The following NISCH variants were observed in gnomAD, a reference collection of about 807,000 sequenced individuals.
NISCH encodes the protein nischarin.
Under a neutral mutation model 138.4 loss-of-function variants are expected in NISCH, and 55 were observed. The ratio of observed to expected loss-of-function variants is 0.40; its 90% CI spans 0.32 to 0.50. The LOEUF (loss-of-function observed/expected upper bound fraction) is 0.50. Ranked by LOEUF, NISCH falls within the 20% of genes least tolerant of loss-of-function variation. NISCH has a pLI of 0.71. For missense variants in NISCH, 1,643 were observed against 2,005.5 expected, an observed-to-expected ratio of 0.82 and a Z score of 3.45; for synonymous variants, 860 against 861.5, an observed-to-expected ratio of 1.00 and a Z score of 0.03.
chr3:52,481,688 A>G, intron 13 of NISCH: 3 of 985,596 alleles, frequency 3.0e-6, no homozygotes, highest in Non-Finnish European at 3.6e-6. Flanking sequence ...AGTGAAGAGC[A>G]GGCCCTGGAT....
At chr3:52,480,348 C>T in intron 13 of NISCH, 53 bp downstream of exon 13, 1 of 1,606,884 alleles carries the variant, frequency 6.2e-7, no homozygotes, top group East Asian at 2.3e-5. Flanking sequence ...CTGCCTGGGC[C>T]CCCTGGCTGG....
chr3:52,487,492 G>C lies in NISCH; in HGVS notation c.2000G>C (p.Gly667Ala), dbSNP rs762828474. 1.2e-6 allele frequency: 2 copies of C among 1,601,718 alleles called. No individual in the cohort carries two copies. The highest frequency in any genetic ancestry group is 1.7e-6 in the Non-Finnish European group (2 of 1,171,924). Reference sequence around the variant, plus strand: ...CCCCCAGACGTGGAGGAGGAGGAGGGAGGAGGCCAGGGGGAGGAAGAGGAG... The same window carrying C: ...CCCCCAGACGTGGAGGAGGAGGAGGCAGGAGGCCAGGGGGAGGAAGAGGAG... ...MGPPDVEEEE[G>A]GGQGEEEEEE... The change falls in exon 16 of 21, where the codon GGA (glycine) becomes GCA (alanine). Residue 667 changes from glycine to alanine, a missense_variant. Physicochemically the swap from Gly to Ala is moderately conservative, Grantham distance 60. Transcript: ENST00000345716. This position sits in a 1 kb window ranked among gnomAD's most constrained non-coding sequence, Gnocchi z 9.1.
intron 16 of NISCH, among the ~76,000 whole-genome samples, chr3:52,488,884 G>T (rs975193362): frequency 3.3e-5 from 5 of 152,238 alleles, no homozygotes; most frequent in African/African-American, 7.2e-5. Context: ...GGCCAAGGGG[G>T]CTGCCCCACC....
In NISCH at chr3:52,478,431, G is replaced by A. The variant is rs375957473; in HGVS notation, c.1174-18G>A. The stretch of plus-strand genomic sequence containing the variant: ...GTTAAGAGAAGGGACCAAAGGGGAT[G>A]GAACTCATACCTTGCAGATGGAGGA... On this transcript the variant is annotated intron_variant, in intron 10 of 20. Coordinates refer to ENST00000345716, the MANE Select transcript of NISCH (RefSeq NM_007184.4). 36 of 1,614,094 alleles carry A rather than the reference G, an allele frequency of 2.2e-5. No individual in the cohort carries two copies. In the African/African-American group the frequency reaches 4.0e-4, roughly 18 times the overall value.
At chr3:52,472,092 A>C (rs1297585510) in intron 5 of NISCH, 115 bp downstream of exon 5, 32 of 1,207,292 alleles carry the variant, frequency 2.7e-5, no homozygotes, top group Admixed American at 2.0e-4. Context: ...TGGTGGAAGG[A>C]AGGCCGCCCG....
Position 52,476,531 on chromosome 3 carries a change from C to T in NISCH, c.850C>T (p.Pro284Ser), listed in dbSNP as rs752794238. The change falls in exon 8 of 21, where the codon CCC becomes TCC. Residue 284 changes from proline (P) to serine (S), a missense_variant. Transcript: ENST00000345716. ...AGAAGGCCCTGTGACTGCCGTCATC[C>T]CCACTTGGCAGGCATTGACCACGCT... The part of the protein sequence containing the change: ...TLEGPVTAVI[P>S]TWQALTTLDL... 4.3e-6 allele frequency: 7 copies of T among 1,613,966 alleles called. No individual in the cohort carries two copies. The highest frequency in any genetic ancestry group is 5.9e-6 in the Non-Finnish European group (7 of 1,179,972).
At chr3:52,489,709 G>A (rs1345393403) in intron 17 of NISCH, 31 bp downstream of exon 17, 1 of 1,597,360 alleles carries the variant, frequency 6.3e-7, no homozygotes, top group Non-Finnish European at 8.5e-7. Context: ...GCCAGCTATG[G>A]CACGGCCAGT....
intron 3 of NISCH, among the ~76,000 whole-genome samples, chr3:52,464,517 CTTT>C (rs71084185): frequency 1.5e-4 from 11 of 75,820 alleles, no homozygotes; most frequent in Middle Eastern, 0.023. Flanking sequence ...TGTGAGTTGT[CTTT>C]TTTTTTTTTT....
chr3:52,467,485 G>A (rs981274771), intron 3 of NISCH, among the ~76,000 whole-genome samples: 5 of 152,156 alleles, frequency 3.3e-5, no homozygotes, highest in Admixed American at 6.5e-5. Flanking sequence ...CGTTTGACCA[G>A]CGAACTCTCT....
rs753692259 is a variant in NISCH, at chr3:52,478,513, C to G, written c.1238C>G (p.Pro413Arg). 1 of 1,614,220 alleles carries G rather than the reference C, an allele frequency of 6.2e-7. No individual in the cohort carries two copies. Among genetic ancestry groups the G allele is most frequent in the East Asian group, 2.2e-5 (1 of 44,890 alleles). ...GAGCACGTGTCTCTGCTGAACAACC[C>G]TCTGAGCATCATCCCCGACTACCGG... ...CLEHVSLLNN[P>R]LSIIPDYRTK... The change falls in exon 11 of 21, where the codon CCT becomes CGT. Residue 413 changes from proline to arginine, a missense_variant. By Grantham distance (103) the Pro-to-Arg change is moderately radical (BLOSUM62 -2). Coordinates refer to ENST00000345716, the MANE Select transcript of NISCH (RefSeq NM_007184.4).
At chr3:52,465,679 C>T (rs759440442) in intron 3 of NISCH, among the ~76,000 whole-genome samples, 1 of 152,206 alleles carries the variant, frequency 6.6e-6, no homozygotes, top group Non-Finnish European at 1.5e-5. Flanking sequence ...TTCTAGCACA[C>T]CATGTGGGCC....
Position 52,487,129 on chromosome 3 carries a change from A to G in NISCH, c.1704-67A>G, listed in dbSNP as rs1226055268. 1.3e-6 allele frequency: 2 copies of G among 1,536,998 alleles called. No homozygotes were observed. The highest frequency in any genetic ancestry group is 1.8e-6 in the Non-Finnish European group (2 of 1,134,278). ...GTCAGGGTGTAGCAGTGGGCTCCAGATGTGGCAGGTGGGAGGTGGGAGGGG... is the reference window on the plus strand; with the variant it reads ...GTCAGGGTGTAGCAGTGGGCTCCAGGTGTGGCAGGTGGGAGGTGGGAGGGG... On this transcript the variant is annotated intron_variant, in intron 15 of 20. Coordinates refer to ENST00000345716, the MANE Select transcript of NISCH (RefSeq NM_007184.4). The surrounding 1 kb of genome is among the most constrained non-coding windows in gnomAD (Gnocchi z 9.1).
intron 12 of NISCH, 75 bp from the exon 13 acceptor site, chr3:52,480,109 C>T: frequency 1.9e-6 from 3 of 1,553,724 alleles, no homozygotes; most frequent in Middle Eastern, 2.2e-4. Context: ...GTTGCGCTCC[C>T]TCCTCACACC....
At chr3:52,483,378 C>T (rs1402473291) in intron 13 of NISCH, among the ~76,000 whole-genome samples, 1 of 152,218 alleles carries the variant, frequency 6.6e-6, no homozygotes, top group Non-Finnish European at 1.5e-5. Flanking sequence ...CCTAGGGCTC[C>T]TGTAGGCCTC....
intron 13 of NISCH, 51 bp from the exon 14 acceptor site, chr3:52,484,462 T>TTGCCCCC: frequency 6.3e-5 from 50 of 788,660 alleles, no homozygotes; most frequent in Non-Finnish European, 8.6e-5. Context: ...ACAGCCGCTC[T>TTGCCCCC]CCCCGCCCCA....
At chr3:52,486,704 GCTTA>G (rs1707410680) in intron 15 of NISCH, among the ~76,000 whole-genome samples, 1 of 152,224 alleles carries the variant, frequency 6.6e-6, no homozygotes, top group Non-Finnish European at 1.5e-5. Context: ...CTTTACAGAA[GCTTA>G]CTAACTCCCA....
At chr3:52,479,016 G>T (rs113076280) in intron 11 of NISCH, among the ~76,000 whole-genome samples, 16 of 152,260 alleles carry the variant, frequency 1.1e-4, no homozygotes, top group Middle Eastern at 3.4e-3. Context: ...TCCCCGTGAT[G>T]CTCTGATTGG....
intron 3 of NISCH, among the ~76,000 whole-genome samples, chr3:52,465,073 T>G (rs1706743540): frequency 6.6e-6 from 1 of 152,258 alleles, no homozygotes; most frequent in Non-Finnish European, 1.5e-5. Context: ...GTATCATACA[T>G]GAGAAACCAT....
chr3:52,456,584 C>T (rs1473493552), intron 1 of NISCH, among the ~76,000 whole-genome samples: 1 of 152,216 alleles, frequency 6.6e-6, no homozygotes, highest in Non-Finnish European at 1.5e-5. Flanking sequence ...CCTTTGTTCC[C>T]GCAGGGTAGG....
Sources: allele counts gnomAD v4.1 joint callset (sites outside exome capture counted in the v4.1 genomes callset), GRCh38; gene constraint gnomAD v4.1.1; non-coding constraint Gnocchi (gnomAD v3.1); transcripts MANE v1.5; gene names NCBI Gene and HGNC (gene_info 2026-07-23, HGNC 2026-07-21).